Variants in B3GALT1 observed in about 807,000 individuals in gnomAD.
The protein encoded by B3GALT1 is beta-1,3-galactosyltransferase 1, also known as UDP-Gal:betaGlcNAc beta 1,3-galactosyltransferase, polypeptide 1.
A neutral mutation model predicts 23.2 loss-of-function variants in B3GALT1; 10 were observed. That is an observed-to-expected ratio of 0.43 (90% CI 0.27 to 0.73). The LOEUF (loss-of-function observed/expected upper bound fraction) is 0.73, where lower values mean the gene tolerates loss of function less well. B3GALT1 is among the 30% of genes least tolerant of loss of function. The pLI is 0.21. For missense variants in B3GALT1, 299 were observed against 405.4 expected (o/e 0.74, Z 2.25); for synonymous variants, 156 against 141.5 (o/e 1.10, Z -0.73).
At chr2:167,339,622 G>GTTAATCTCTATAC (rs1697116555) in intron 1 of B3GALT1, among the ~76,000 whole-genome samples, 1 of 152,032 alleles carries the variant, frequency 6.6e-6, no homozygotes, top group Non-Finnish European at 1.5e-5. Context: ...TGTTTGACAC[G>GTTAATCTCTATAC]TTAATCTCTA....
intron 4 of B3GALT1, among the ~76,000 whole-genome samples, chr2:167,825,316 A>G (rs1398286825): frequency 6.7e-6 from 1 of 149,586 alleles, no homozygotes; most frequent in Non-Finnish European, 1.5e-5. Flanking sequence ...AAAGAAAACA[A>G]GCAAAACTTA....
chr2:167,715,143 G>T (rs2105522041), intron 3 of B3GALT1: 1 of 1,613,844 alleles, frequency 6.2e-7, no homozygotes, highest in African/African-American at 1.3e-5. Flanking sequence ...CCTTTGGGAG[G>T]ATCATCTAAG....
chr2:167,867,766 C>T (rs145229354), intron 4 of B3GALT1, among the ~76,000 whole-genome samples: 124 of 152,226 alleles, frequency 8.1e-4, no homozygotes, highest in Non-Finnish European at 1.5e-3. Flanking sequence ...CCTAACGAGA[C>T]AGGAAGAAAC....
rs545144163 is a variant in B3GALT1 at position 167,684,719 on chromosome 2, A to G, written c.-352+37753A>G. Reference sequence around the variant, plus strand: ...AGCATTTTTCCTCTTTATTCTAAGCAGATTATTTTAATAATTCTCATTATT... The same window carrying G: ...AGCATTTTTCCTCTTTATTCTAAGCGGATTATTTTAATAATTCTCATTATT... On this transcript the variant is annotated intron_variant, in intron 3 of 4. Coordinates refer to ENST00000392690, the MANE Select transcript of B3GALT1 (RefSeq NM_020981.4). 3.6e-4 allele frequency among the ~76,000 whole-genome samples: 55 copies of G among 152,364 alleles called. No homozygotes were observed. In the South Asian group the frequency reaches 0.011, roughly 30 times the overall value.
At chr2:167,868,703 G>A (rs1690282251) in intron 4 of B3GALT1, among the ~76,000 whole-genome samples, 108 bp from the exon 5 acceptor site, 1 of 152,166 alleles carries the variant, frequency 6.6e-6, no homozygotes, top group Non-Finnish European at 1.5e-5. Context: ...GAATGATCAT[G>A]TGTATTTTAA....
chr2:167,659,718 G>T (rs990488460), intron 3 of B3GALT1, among the ~76,000 whole-genome samples: 5 of 152,000 alleles, frequency 3.3e-5, no homozygotes, highest in Non-Finnish European at 4.4e-5. Context: ...AATCTCTCGT[G>T]ACTTGCTTAT....
chr2:167,716,077 G>A (rs1428486699), intron 3 of B3GALT1: 1 of 1,561,788 alleles, frequency 6.4e-7, no homozygotes, highest in African/African-American at 1.4e-5. Flanking sequence ...GCGCCAAGCT[G>A]CTCTGGCGGT....
At chr2:167,515,084 ATT>A (rs1260462707) in intron 2 of B3GALT1, among the ~76,000 whole-genome samples, 2 of 152,182 alleles carry the variant, frequency 1.3e-5, no homozygotes, top group Non-Finnish European at 1.5e-5. Flanking sequence ...ATTTTTAATT[ATT>A]GTCATTCATG....
intron 1 of B3GALT1, among the ~76,000 whole-genome samples, chr2:167,366,901 T>C (rs1697595073): frequency 6.6e-6 from 1 of 152,212 alleles, no homozygotes; most frequent in African/African-American, 2.4e-5. Flanking sequence ...GCAACTGGCT[T>C]CCTCTAGAGC....
At chr2:167,771,898 G>T (rs1184099837) in intron 3 of B3GALT1, among the ~76,000 whole-genome samples, 1 of 152,184 alleles carries the variant, frequency 6.6e-6, no homozygotes, top group African/African-American at 2.4e-5. Context: ...CTCAATCAGG[G>T]CCAGGAAGCA....
intron 3 of B3GALT1, among the ~76,000 whole-genome samples, chr2:167,710,873 C>G (rs190444155): frequency 6.6e-6 from 1 of 152,220 alleles, no homozygotes; most frequent in African/African-American, 2.4e-5. Flanking sequence ...ATAAATAGCC[C>G]GTAGCTGGTC....
intron 2 of B3GALT1, among the ~76,000 whole-genome samples, chr2:167,603,231 T>A (rs1684905006): frequency 6.6e-6 from 1 of 152,156 alleles, no homozygotes; most frequent in South Asian, 2.1e-4. Flanking sequence ...CTTTTCCACC[T>A]CTACTCACAA....
chr2:167,658,798 T>A (rs1686003265), intron 3 of B3GALT1, among the ~76,000 whole-genome samples: 1 of 152,108 alleles, frequency 6.6e-6, no homozygotes, highest in African/African-American at 2.4e-5. Context: ...CAATATGACA[T>A]ATAGGAGTGA....
chr2:167,826,138 G>T (rs1001323452), intron 4 of B3GALT1, among the ~76,000 whole-genome samples: 13 of 152,108 alleles, frequency 8.5e-5, no homozygotes, highest in Non-Finnish European at 1.6e-4. Context: ...TCTACATCTT[G>T]CCTACATTTC....
intron 4 of B3GALT1, among the ~76,000 whole-genome samples, chr2:167,863,613 C>G (rs1226958345): frequency 6.6e-6 from 1 of 152,188 alleles, no homozygotes; most frequent in Non-Finnish European, 1.5e-5. Flanking sequence ...CTTTATCCAA[C>G]TTACATGAAA....
At chr2:167,661,899 G>T (rs1389822884) in intron 3 of B3GALT1, among the ~76,000 whole-genome samples, 1 of 152,064 alleles carries the variant, frequency 6.6e-6, no homozygotes, top group Non-Finnish European at 1.5e-5. Context: ...AGATAACTAA[G>T]TGTCAGGGGT....
intron 1 of B3GALT1, among the ~76,000 whole-genome samples, chr2:167,455,595 T>C (rs11892065): frequency 0.031 from 4,666 of 152,168 alleles, 222 homozygotes; most frequent in African/African-American, 0.11. Context: ...CTCACTGCAA[T>C]CTATGCCTCC....
At chr2:167,786,228 G>A (rs901600992) in intron 3 of B3GALT1, among the ~76,000 whole-genome samples, 3 of 152,180 alleles carry the variant, frequency 2.0e-5, no homozygotes, top group African/African-American at 7.2e-5. Flanking sequence ...CCAACCTTGG[G>A]TAAGTTTTTC....
chr2:167,324,677 G>T (rs1696865748), intron 1 of B3GALT1, among the ~76,000 whole-genome samples: 1 of 151,930 alleles, frequency 6.6e-6, no homozygotes. Flanking sequence ...GAGTACTTAG[G>T]GTCTCTGTCA....
Sources: gnomAD v4.1 joint callset for allele counts (sites outside exome capture counted in the v4.1 genomes callset) on GRCh38, gnomAD v4.1.1 for gene constraint, MANE v1.5 for transcripts, NCBI Gene and HGNC (gene_info 2026-07-23, HGNC 2026-07-21) for gene names.